Variants in ANAPC1 observed in about 807,000 individuals in gnomAD.
ANAPC1 encodes anaphase-promoting complex subunit 1.
A neutral mutation model predicts 208.0 loss-of-function variants in ANAPC1; 36 were observed. That is an observed-to-expected ratio of 0.17 (90% confidence interval 0.13 to 0.23). The LOEUF (loss-of-function observed/expected upper bound fraction) is 0.23. Ranked by LOEUF, ANAPC1 falls within the 10% of genes least tolerant of loss-of-function variation. The pLI is 1.00. For missense variants in ANAPC1, 942 were observed against 2,011.6 expected (o/e 0.47, Z 10.17); for synonymous variants, 378 against 695.2 (o/e 0.54, Z 7.18).
intron 17 of ANAPC1, among the ~76,000 whole-genome samples, chr2:111,840,480 A>G (rs1259762278): frequency 6.6e-6 from 1 of 152,198 alleles, no homozygotes; most frequent in Non-Finnish European, 1.5e-5. Context: ...TCAAAAAGCC[A>G]TGTCCTTCTC....
At chr2:111,856,232 C>G (rs1681713160) in intron 13 of ANAPC1, 1 of 168,536 alleles carries the variant, frequency 5.9e-6, no homozygotes. Context: ...GAGACTCCGT[C>G]TCAAAAAAAT....
At chr2:111,859,328 C>G (rs1319152437) in intron 10 of ANAPC1, among the ~76,000 whole-genome samples, 5 of 151,928 alleles carry the variant, frequency 3.3e-5, no homozygotes, top group African/African-American at 1.2e-4. Flanking sequence ...ACTAAAAATA[C>G]AAAATTAGCC....
chr2:111,769,980 C>T (rs1573284401), intron 47 of ANAPC1, among the ~76,000 whole-genome samples: 1 of 151,760 alleles, frequency 6.6e-6, no homozygotes, highest in South Asian at 2.1e-4. Flanking sequence ...CTGCGCCCAG[C>T]CTCGGCTGAG....
chr2:111,864,556 C>G (rs1573494715), intron 8 of ANAPC1, among the ~76,000 whole-genome samples: 2 of 147,762 alleles, frequency 1.4e-5, no homozygotes, highest in South Asian at 4.3e-4. Context: ...CCTACACCTC[C>G]CAGGTTCAAG....
At chr2:111,811,132 C>T (rs937953492) in intron 28 of ANAPC1, among the ~76,000 whole-genome samples, 8 of 152,228 alleles carry the variant, frequency 5.3e-5, no homozygotes, top group African/African-American at 1.7e-4. Flanking sequence ...GGACCCTACA[C>T]CGGCCCCCAG....
chr2:111,781,832 C>T (rs1422488338), intron 43 of ANAPC1, among the ~76,000 whole-genome samples: 2 of 152,296 alleles, frequency 1.3e-5, no homozygotes, highest in African/African-American at 4.8e-5. Flanking sequence ...GCTTCCTACC[C>T]TCATTTATCG....
intron 25 of ANAPC1, 127 bp from the exon 26 acceptor site, chr2:111,821,580 G>C: frequency 1.1e-6 from 1 of 932,832 alleles, no homozygotes. Context: ...TTCCAAAGCA[G>C]GCATGGGTTG....
At chr2:111,783,095 A>T (rs914798933) in intron 42 of ANAPC1, among the ~76,000 whole-genome samples, 26 of 152,142 alleles carry the variant, frequency 1.7e-4, no homozygotes, top group African/African-American at 6.3e-4. Context: ...GCTGAGTAGT[A>T]TATATTATCT....
At chr2:111,766,926 A>G (rs1186171121), downstream of ANAPC1, 1 of 470,860 alleles carries the variant, frequency 2.1e-6, no homozygotes, top group East Asian at 6.9e-5. Context: ...TATTCAAGGA[A>G]GACTGGGCGG....
chr2:111,770,201 TTATA>T (rs3055943), intron 47 of ANAPC1, among the ~76,000 whole-genome samples: 832 of 81,510 alleles, frequency 0.01, 8 homozygotes, highest in Middle Eastern at 0.037. Context: ...TTGTTTAATT[TTATA>T]TATATATATA....
At chr2:111,827,039 C>A (rs1021266106) in intron 21 of ANAPC1, among the ~76,000 whole-genome samples, 1 of 80,070 alleles carries the variant, frequency 1.2e-5, no homozygotes, top group African/African-American at 5.7e-5. Flanking sequence ...TTTAACTTCA[C>A]AAGAAACTGC....
chr2:111,877,864 G>T (rs1172408544), intron 3 of ANAPC1, among the ~76,000 whole-genome samples: 1 of 151,996 alleles, frequency 6.6e-6, no homozygotes, highest in African/African-American at 2.4e-5. Flanking sequence ...TTATCTCATG[G>T]TATTTTAAAA....
At chr2:111,851,327 T>C (rs1331980424) in intron 13 of ANAPC1, among the ~76,000 whole-genome samples, 2 of 152,182 alleles carry the variant, frequency 1.3e-5, no homozygotes, top group Non-Finnish European at 2.9e-5. Flanking sequence ...GGTCTTGAAC[T>C]TCTGGGCTGA....
In ANAPC1 at chr2:111,880,539, T is replaced by A. The variant is rs1573530147; in HGVS notation, c.213+74A>T. On this transcript the variant is annotated intron_variant, in intron 2 of 47. Transcript: ENST00000341068. The stretch of plus-strand genomic sequence containing the variant: ...GCATCACACCGATCTCTCAGTTGCA[T>A]CTTAGTAGCCTTAAATTACAAGTAG... 7 of 1,500,774 alleles carry A rather than the reference T, an allele frequency of 4.7e-6. No homozygotes were observed. The East Asian group carries it at 1.7e-4, about 37-fold the overall frequency. The allele number at this position is 1,500,774 out of a possible 1,614,324, so 93.0% of individuals were successfully genotyped here.
chr2:111,791,176 C>T (rs1289325430), intron 38 of ANAPC1, among the ~76,000 whole-genome samples: 1 of 151,272 alleles, frequency 6.6e-6, no homozygotes, highest in African/African-American at 2.4e-5. Context: ...TAAAATGGTA[C>T]TCAAGAACAT....
At chr2:111,841,022 G>A (rs1228554853) in intron 17 of ANAPC1, among the ~76,000 whole-genome samples, 3 of 152,150 alleles carry the variant, frequency 2.0e-5, no homozygotes. Flanking sequence ...CAGCCTAGAC[G>A]ACAGAGCGAA....
chr2:111,819,993 C>T, intron 26 of ANAPC1, among the ~76,000 whole-genome samples: 1 of 152,150 alleles, frequency 6.6e-6, no homozygotes, highest in Non-Finnish European at 1.5e-5. Flanking sequence ...TTCACTTCAA[C>T]TTTGCGCAAG....
At chr2:111,809,917 C>T (rs967804389) in intron 28 of ANAPC1, among the ~76,000 whole-genome samples, 3 of 148,060 alleles carry the variant, frequency 2.0e-5, no homozygotes, top group African/African-American at 7.5e-5. Context: ...TATAACCCAG[C>T]AATTCCACTC....
chr2:111,860,153 G>C (rs936976644), intron 10 of ANAPC1, among the ~76,000 whole-genome samples: 21 of 151,838 alleles, frequency 1.4e-4, no homozygotes, highest in African/African-American at 4.1e-4. Context: ...CAAAAAATTA[G>C]TCAGGCGTGG....
Sources: allele counts gnomAD v4.1 joint callset (sites outside exome capture counted in the v4.1 genomes callset), GRCh38; gene constraint gnomAD v4.1.1; transcripts MANE v1.5; gene names NCBI Gene and HGNC (gene_info 2026-07-23, HGNC 2026-07-21).